The following DPP6 variants were observed in gnomAD, a reference collection of about 807,000 sequenced individuals.
The protein encoded by DPP6 is A-type potassium channel modulatory protein DPP6.
A neutral mutation model predicts 122.6 loss-of-function variants in DPP6; 69 were observed. The observed-to-expected ratio is 0.56, with a 90% CI of 0.46 to 0.69. The LOEUF is 0.69. DPP6 is among the 30% of genes least tolerant of loss of function. DPP6 has a pLI of 0.00. For missense variants in DPP6, 928 were observed against 1,116.9 expected, an observed-to-expected ratio of 0.83 and a Z score of 2.41; for synonymous variants, 418 against 433.1, an observed-to-expected ratio of 0.97 and a Z score of 0.43.
At chr7:154,115,853 C>A (rs1430406666) in intron 1 of DPP6, among the ~76,000 whole-genome samples, 1 of 152,116 alleles carries the variant, frequency 6.6e-6, no homozygotes, top group African/African-American at 2.4e-5. Flanking sequence ...AGTTTACTTT[C>A]TTGCTTGCTG....
At chr7:153,893,221 T>C (rs1027478977) in intron 1 of DPP6, among the ~76,000 whole-genome samples, 1 of 152,230 alleles carries the variant, frequency 6.6e-6, no homozygotes, top group African/African-American at 2.4e-5. Context: ...TTTCAACATA[T>C]AAATGTACTA....
chr7:154,013,615 TCTTA>T (rs1798261828), intron 1 of DPP6, among the ~76,000 whole-genome samples: 1 of 151,810 alleles, frequency 6.6e-6, no homozygotes, highest in Non-Finnish European at 1.5e-5. Context: ...ACTGTAACAT[TCTTA>T]CTTTATGTGG....
At chr7:153,885,896 C>T (rs1296810509), upstream of DPP6, among the ~76,000 whole-genome samples, 9 of 152,178 alleles carry the variant, frequency 5.9e-5, no homozygotes, top group East Asian at 1.7e-3. Flanking sequence ...CATAATGTAT[C>T]ATTCGTGTTT....
At chr7:154,686,145 G>A (rs559492408) in intron 7 of DPP6, among the ~76,000 whole-genome samples, 2 of 152,270 alleles carry the variant, frequency 1.3e-5, no homozygotes, top group East Asian at 3.9e-4. Context: ...CTATTCAGCA[G>A]TGAGAAAATA....
At chr7:153,901,423 C>A (rs1319230525) in intron 1 of DPP6, among the ~76,000 whole-genome samples, 1 of 152,158 alleles carries the variant, frequency 6.6e-6, no homozygotes, top group East Asian at 1.9e-4. Context: ...AGGTCGAAAC[C>A]CTCTTTTCCC....
At chr7:154,183,499 T>G (rs910295494) in intron 1 of DPP6, among the ~76,000 whole-genome samples, 1 of 152,172 alleles carries the variant, frequency 6.6e-6, no homozygotes, top group African/African-American at 2.4e-5. Context: ...AAGGGCAGAA[T>G]CACCTCGGGG....
At chr7:154,063,891 G>A (rs1802488061) in intron 1 of DPP6, among the ~76,000 whole-genome samples, 1 of 151,584 alleles carries the variant, frequency 6.6e-6, no homozygotes, top group African/African-American at 2.4e-5. Flanking sequence ...GGAGAATCAT[G>A]TCAGGAGCTG....
intron 1 of DPP6, among the ~76,000 whole-genome samples, chr7:154,370,009 G>A (rs570169792): frequency 8.9e-6 from 1 of 112,330 alleles, no homozygotes; most frequent in East Asian, 3.3e-4. Flanking sequence ...TTTAGATAGA[G>A]TCTCACTCTG....
At chr7:153,933,773 A>C (rs1029754249) in intron 1 of DPP6, among the ~76,000 whole-genome samples, 2 of 151,562 alleles carry the variant, frequency 1.3e-5, no homozygotes, top group Non-Finnish European at 2.9e-5. Context: ...GTTCCCCCCC[A>C]GCAGGCAGAT....
At chr7:154,635,255 G>A (rs1586779211) in intron 5 of DPP6, among the ~76,000 whole-genome samples, 2 of 152,098 alleles carry the variant, frequency 1.3e-5, no homozygotes, top group Admixed American at 6.5e-5. Flanking sequence ...TATGTGGTAC[G>A]TGCTCCATAA....
intron 1 of DPP6, among the ~76,000 whole-genome samples, chr7:154,408,889 C>T (rs1816353669): frequency 6.6e-6 from 1 of 152,060 alleles, no homozygotes; most frequent in Admixed American, 6.6e-5. Context: ...GCCTGTAATC[C>T]CAGCACTTTG....
At chr7:154,593,260 C>A (rs1384932058) in intron 5 of DPP6, among the ~76,000 whole-genome samples, 1 of 152,188 alleles carries the variant, frequency 6.6e-6, no homozygotes, top group African/African-American at 2.4e-5. Context: ...CAGCTAGATT[C>A]TGATTTCCTT....
At chr7:154,314,418 T>C (rs186344966) in intron 1 of DPP6, among the ~76,000 whole-genome samples, 2 of 152,364 alleles carry the variant, frequency 1.3e-5, no homozygotes, top group East Asian at 3.9e-4. Context: ...TAAGATGATT[T>C]GTTCTACAAA....
intron 1 of DPP6, among the ~76,000 whole-genome samples, chr7:154,147,495 T>TTCCTTTC (rs1385884647): frequency 1.1e-4 from 16 of 150,596 alleles, no homozygotes; most frequent in African/African-American, 3.7e-4. Flanking sequence ...CCTTCCTTTC[T>TTCCTTTC]TTTTCTGTCG....
intron 8 of DPP6, among the ~76,000 whole-genome samples, chr7:154,739,427 G>A (rs1586991518): frequency 6.6e-6 from 1 of 152,280 alleles, no homozygotes. Context: ...GGACGCCAGG[G>A]GTCCATCTGG....
intron 1 of DPP6, among the ~76,000 whole-genome samples, chr7:154,286,640 C>T (rs1339688851): frequency 6.6e-6 from 1 of 152,002 alleles, no homozygotes; most frequent in Non-Finnish European, 1.5e-5. Context: ...GGCTCCATTC[C>T]TCTCCAGGGC....
chr7:154,769,056 A>G (rs796599725), intron 8 of DPP6, among the ~76,000 whole-genome samples: 4 of 152,332 alleles, frequency 2.6e-5, no homozygotes, highest in South Asian at 2.1e-4. Context: ...TTCAAATCAT[A>G]TTAAGTAATA....
intron 5 of DPP6, among the ~76,000 whole-genome samples, chr7:154,617,371 A>G (rs1834330444): frequency 1.3e-5 from 2 of 152,240 alleles, no homozygotes; most frequent in Admixed American, 6.5e-5. Flanking sequence ...TACAGCATCT[A>G]ATGTTCTAAC....
intron 1 of DPP6, among the ~76,000 whole-genome samples, chr7:154,261,916 G>C (rs953561482): frequency 6.6e-6 from 1 of 152,016 alleles, no homozygotes; most frequent in Non-Finnish European, 1.5e-5. Context: ...AGCTCTAGGG[G>C]AAAAAACTGG....
Sources: gnomAD v4.1 joint callset for allele counts (sites outside exome capture counted in the v4.1 genomes callset) on GRCh38, gnomAD v4.1.1 for gene constraint, MANE v1.5 for transcripts, NCBI Gene and HGNC (gene_info 2026-07-23, HGNC 2026-07-21) for gene names.